The following GRM5 variants were observed in gnomAD, a reference collection of about 807,000 sequenced individuals.
The protein encoded by GRM5 is metabotropic glutamate receptor 5.
In GRM5, 19 loss-of-function variants were observed where a neutral mutation model predicts 83.1. That is an observed-to-expected ratio of 0.23 (90% CI 0.16 to 0.34). The LOEUF is 0.34. GRM5 is among the 10% of genes least tolerant of loss of function. The pLI, the probability that GRM5 is intolerant of heterozygous loss-of-function variation, is 1.00. For synonymous variants in GRM5, 675 were observed against 633.6 expected, an observed-to-expected ratio of 1.07 and a Z score of -0.98; for missense variants, 1,160 against 1,588.3, an observed-to-expected ratio of 0.73 and a Z score of 4.58.
Position 88,885,450 on chromosome 11 carries a change from G to GTTTTTTTTTTTTT in GRM5, c.662-35308_662-35296dup, listed in dbSNP as rs61456975. Among the ~76,000 whole-genome samples, 12 of 62,664 alleles carry GTTTTTTTTTTTTT rather than the reference G, an allele frequency of 1.9e-4. 2 individuals carry two copies. Among genetic ancestry groups the GTTTTTTTTTTTTT allele is most frequent in the African/African-American group, 6.5e-4 (11 of 16,892 alleles). 41.1% of individuals were successfully genotyped at this position (62,664 alleles called of 152,430 possible). ...TTCTGAATTCTATAGTAGGTACCAT[G>GTTTTTTTTTTTTT]TTTTTTTTTTTTTTTTTTTTTTTTT... On this transcript the variant is annotated intron_variant, in intron 2 of 9. Transcript: ENST00000305447.
chr11:88,691,811 C>G (rs1193597697), intron 3 of GRM5, among the ~76,000 whole-genome samples: 1 of 152,156 alleles, frequency 6.6e-6, no homozygotes, highest in Admixed American at 6.6e-5. Flanking sequence ...AAACAGGAGT[C>G]TTTTCCTATT....
At chr11:88,602,768 G>A (rs1316698228) in intron 5 of GRM5, among the ~76,000 whole-genome samples, 1 of 152,126 alleles carries the variant, frequency 6.6e-6, no homozygotes, top group East Asian at 1.9e-4. Context: ...ACTTTTGTAA[G>A]CTTTGGTTTT....
intron 3 of GRM5, among the ~76,000 whole-genome samples, chr11:88,727,920 A>G (rs1941718807): frequency 6.6e-6 from 1 of 152,214 alleles, no homozygotes; most frequent in South Asian, 2.1e-4. Flanking sequence ...CACAGGGGAA[A>G]GCAGGAAAGA....
rs556772750 is a variant in GRM5, at chr11:88,895,028, G to C, written c.662-44873C>G. ...TTATAGTAGCCTGAACTGACTAAGA[G>C]AGTAGACAACAGTGGTAACTCTGGA... On this transcript the variant is annotated intron_variant, in intron 2 of 9. Coordinates refer to ENST00000305447, the MANE Select transcript of GRM5 (RefSeq NM_001143831.3). 1.2e-4 allele frequency among the ~76,000 whole-genome samples: 18 copies of C among 152,058 alleles called. 1 individual carries two copies. The South Asian group carries it at 3.5e-3, about 30-fold the overall frequency.
rs535530015 is a variant in GRM5 at position 88,849,211 on chromosome 11, A to G, written c.911+695T>C. On this transcript the variant is annotated intron_variant, in intron 3 of 9. Coordinates refer to ENST00000305447, the MANE Select transcript of GRM5 (RefSeq NM_001143831.3). ...CACAAATTTATACATACACATATAT[A>G]TGTGTGCAGGACACATATATGCATA... Among the ~76,000 whole-genome samples, 14 of 152,214 alleles carry G rather than the reference A, an allele frequency of 9.2e-5. 1 individual carries two copies. In the South Asian group the frequency reaches 2.7e-3, roughly 29 times the overall value.
At position 89,041,219 on chromosome 11, in the gene GRM5, T is replaced by C. The variant is rs560321235; in HGVS notation, c.661+5993A>G. On this transcript the variant is annotated intron_variant, in intron 2 of 9. Transcript: ENST00000305447. ...TGATCTTCACATTTAGGTAAGCATCTGATTATTTAGAACTGTGGAAGTGTC... is the reference window on the plus strand; with the variant it reads ...TGATCTTCACATTTAGGTAAGCATCCGATTATTTAGAACTGTGGAAGTGTC... Among the ~76,000 whole-genome samples the C allele has an allele frequency of 4.2e-4, 64 of 152,362 alleles. 1 individual carries two copies. Among genetic ancestry groups the C allele is most frequent in the African/African-American group, 1.3e-3 (52 of 41,588 alleles).
At chr11:88,994,684 T>C (rs1321152752) in intron 2 of GRM5, among the ~76,000 whole-genome samples, 3 of 150,736 alleles carry the variant, frequency 2.0e-5, no homozygotes, top group Admixed American at 2.0e-4. Context: ...CAGATTAAGA[T>C]TTTAATTTAC....
At chr11:88,767,465 A>G (rs1942645591) in intron 3 of GRM5, among the ~76,000 whole-genome samples, 1 of 152,056 alleles carries the variant, frequency 6.6e-6, no homozygotes, top group South Asian at 2.1e-4. Context: ...AAAATGTGGT[A>G]CATGTACACC....
At chr11:89,036,029 A>T in intron 2 of GRM5, among the ~76,000 whole-genome samples, 1 of 152,048 alleles carries the variant, frequency 6.6e-6, no homozygotes, top group Non-Finnish European at 1.5e-5. Flanking sequence ...TTTCACTATA[A>T]AATTTGCTTA....
chr11:88,895,705 G>A (rs1945217827), intron 2 of GRM5, among the ~76,000 whole-genome samples: 1 of 151,874 alleles, frequency 6.6e-6, no homozygotes, highest in South Asian at 2.1e-4. Flanking sequence ...AAACAATAAT[G>A]TCAATATGTG....
At chr11:88,852,266 G>A (rs561920070) in intron 2 of GRM5, among the ~76,000 whole-genome samples, 1 of 152,042 alleles carries the variant, frequency 6.6e-6, no homozygotes, top group Non-Finnish European at 1.5e-5. Flanking sequence ...TTGAAATAGT[G>A]GAGAGAACTT....
At chr11:88,846,924 T>C (rs904801654) in intron 3 of GRM5, among the ~76,000 whole-genome samples, 23 of 152,194 alleles carry the variant, frequency 1.5e-4, no homozygotes, top group African/African-American at 5.3e-4. Flanking sequence ...TCAGGTTCTA[T>C]GTAGAACCTA....
chr11:88,605,752 A>G lies in GRM5; in HGVS notation c.1148-788T>C, dbSNP rs1938125330. 2.6e-5 allele frequency among the ~76,000 whole-genome samples: 4 copies of G among 152,204 alleles called. 1 individual carries two copies. The highest frequency in any genetic ancestry group is 2.6e-4 in the Admixed American group (4 of 15,286). ...CAAAGGAGTGAGAAATATCCCTTCC[A>G]ATAGAAGGTTCTTGGGAACTAAGGA... On this transcript the variant is annotated intron_variant, in intron 4 of 9. Coordinates refer to ENST00000305447, the MANE Select transcript of GRM5 (RefSeq NM_001143831.3).
chr11:88,926,262 GCTATT>G lies in GRM5; in HGVS notation c.662-76112_662-76108del, dbSNP rs140270651. On this transcript the variant is annotated intron_variant, in intron 2 of 9. Coordinates refer to ENST00000305447, the MANE Select transcript of GRM5 (RefSeq NM_001143831.3). ...AAAAACCAGGCTGACTCCCCTGGAT[GCTATT>G]CTAAAGTCAAATTTCAAATTATACT... Among the ~76,000 whole-genome samples, 410 of 152,276 alleles carry G rather than the reference GCTATT, an allele frequency of 2.7e-3. 4 individuals carry two copies. The highest frequency in any genetic ancestry group is 8.7e-3 in the African/African-American group (360 of 41,572).
chr11:88,568,039 T>G, intron 7 of GRM5, 47 bp from the exon 8 acceptor site: 1 of 1,233,178 alleles, frequency 8.1e-7, no homozygotes, highest in South Asian at 1.4e-5. Flanking sequence ...AGATGTTGAC[T>G]TGGGTCACAT....
intron 2 of GRM5, among the ~76,000 whole-genome samples, chr11:88,874,138 A>C (rs1391309927): frequency 1.3e-5 from 2 of 148,746 alleles, no homozygotes; most frequent in Non-Finnish European, 1.5e-5. Context: ...CAAGCTTTTA[A>C]AGAAAGAAAT....
At chr11:88,583,852 T>A (rs1393145472) in intron 7 of GRM5, among the ~76,000 whole-genome samples, 1 of 152,304 alleles carries the variant, frequency 6.6e-6, no homozygotes, top group East Asian at 1.9e-4. Context: ...TTTTTCTCCT[T>A]TCTCTCTCAA....
intron 3 of GRM5, among the ~76,000 whole-genome samples, chr11:88,728,697 C>T (rs894803998): frequency 2.7e-4 from 41 of 152,264 alleles, no homozygotes; most frequent in Admixed American, 1.0e-3. Context: ...GGCTTCATCC[C>T]TGGGATGCAA....
chr11:88,953,823 G>T (rs906867260), intron 2 of GRM5, among the ~76,000 whole-genome samples: 1 of 152,178 alleles, frequency 6.6e-6, no homozygotes, highest in Non-Finnish European at 1.5e-5. Flanking sequence ...TGATGCTAAA[G>T]ATATTTCAAG....
Sources: gnomAD v4.1 joint callset for allele counts (sites outside exome capture counted in the v4.1 genomes callset) on GRCh38, gnomAD v4.1.1 for gene constraint, MANE v1.5 for transcripts, NCBI Gene and HGNC (gene_info 2026-07-23, HGNC 2026-07-21) for gene names.